Variants in XPR1 observed in about 807,000 individuals in gnomAD.
XPR1 encodes xenotropic and polytropic retrovirus receptor 1, also known as solute carrier family 53 member 1.
A neutral mutation model predicts 87.5 loss-of-function variants in XPR1; 28 were observed. That is an observed-to-expected ratio of 0.32 (90% CI 0.24 to 0.44). The LOEUF (loss-of-function observed/expected upper bound fraction) is 0.44, where lower values mean the gene tolerates loss of function less well. Among genes scored for constraint, XPR1 ranks in the 20% least tolerant of loss-of-function variants. The probability of loss-of-function intolerance (pLI) is 1.00; values close to 1 mark genes in which losing one functional copy is unlikely to be tolerated. For synonymous variants in XPR1, 300 were observed against 306.1 expected (o/e 0.98, Z 0.21); for missense variants, 559 against 862.3 (o/e 0.65, Z 4.41).
intron 2 of XPR1, among the ~76,000 whole-genome samples, chr1:180,755,016 G>C (rs1435490451): frequency 6.6e-6 from 1 of 152,164 alleles, no homozygotes; most frequent in Admixed American, 6.6e-5. Context: ...AAAGTAATGG[G>C]AACCAGGTTT....
Position 180,824,867 on chromosome 1 carries a change from G to A in XPR1, c.878G>A (p.Arg293Lys). Residue 293 changes from arginine (R) to lysine (K), a missense_variant, in exon 8 of 15, where the codon AGA (arginine) becomes AAA (lysine). Physicochemically the swap from Arg to Lys is conservative, Grantham distance 26. This residue lies in a region of XPR1 where 6 missense variants were observed against 29.7 expected (regional missense o/e 0.20). Transcript: ENST00000367590. ...FLLGINTYGW[R>K]QAGVNHVLIF... ...CTGGGCATCAACACGTATGGTTGGA[G>A]ACAGGCTGGAGTAAACCATGTACTC... 1 of 1,614,092 alleles carries A rather than the reference G, an allele frequency of 6.2e-7. No homozygotes were observed. The highest frequency in any genetic ancestry group is 8.5e-7 in the Non-Finnish European group (1 of 1,179,996).
chr1:180,795,787 T>A (rs1649549644), intron 3 of XPR1, among the ~76,000 whole-genome samples: 1 of 152,142 alleles, frequency 6.6e-6, no homozygotes, highest in Admixed American at 6.5e-5. Flanking sequence ...GCCCTGAGAT[T>A]CATTCATTCA....
At chr1:180,863,558 T>G in intron 11 of XPR1, 150 bp from the exon 12 acceptor site, 1 of 549,066 alleles carries the variant, frequency 1.8e-6, no homozygotes, top group Non-Finnish European at 2.9e-6. Context: ...TTATTTAACC[T>G]TTGTTAGACA....
chr1:180,727,968 T>G (rs1658412036), intron 2 of XPR1, among the ~76,000 whole-genome samples: 1 of 152,166 alleles, frequency 6.6e-6, no homozygotes, highest in Non-Finnish European at 1.5e-5. Context: ...AGCAAGGTCT[T>G]TATGCCAGTA....
chr1:180,632,353 A>T (rs1654614194), intron 1 of XPR1, 83 bp downstream of exon 1: 1 of 1,514,448 alleles, frequency 6.6e-7, no homozygotes, highest in African/African-American at 1.4e-5. Context: ...CTTCCGCTTC[A>T]GCTGGCTCCC....
chr1:180,707,833 G>C (rs537417771), intron 2 of XPR1, among the ~76,000 whole-genome samples: 36 of 152,240 alleles, frequency 2.4e-4, no homozygotes, highest in Non-Finnish European at 4.9e-4. Flanking sequence ...TCCTGATTAT[G>C]GTTGTGGAGA....
chr1:180,840,564 GTGTATATA>G (rs1317911534), intron 11 of XPR1, among the ~76,000 whole-genome samples: 1 of 134,218 alleles, frequency 7.5e-6, no homozygotes, highest in African/African-American at 3.0e-5. Flanking sequence ...GTGTGTGTGT[GTGTATATA>G]TATATATATA....
chr1:180,856,098 C>CA (rs752018520), intron 11 of XPR1, among the ~76,000 whole-genome samples: 2 of 152,068 alleles, frequency 1.3e-5, no homozygotes, highest in Non-Finnish European at 2.9e-5. Flanking sequence ...TTTTCCTTTT[C>CA]TCTATCCTGC....
chr1:180,757,656 A>G (rs1647800381), intron 2 of XPR1, among the ~76,000 whole-genome samples: 1 of 151,888 alleles, frequency 6.6e-6, no homozygotes, highest in African/African-American at 2.4e-5. Context: ...AGGTAGGACT[A>G]CAGGTGCACA....
intron 7 of XPR1, among the ~76,000 whole-genome samples, chr1:180,819,235 C>T (rs1211301646): frequency 6.6e-6 from 1 of 152,160 alleles, no homozygotes; most frequent in African/African-American, 2.4e-5. Context: ...ATTACAGGAG[C>T]CACCATGCCT....
chr1:180,680,459 G>A (rs545385969), intron 1 of XPR1, among the ~76,000 whole-genome samples: 5 of 139,268 alleles, frequency 3.6e-5, no homozygotes, highest in East Asian at 5.1e-4. Flanking sequence ...TCTGCCTCCC[G>A]GGTTCAAGCG....
intron 3 of XPR1, among the ~76,000 whole-genome samples, chr1:180,794,265 A>G (rs1649492491): frequency 6.6e-6 from 1 of 152,226 alleles, no homozygotes; most frequent in Non-Finnish European, 1.5e-5. Flanking sequence ...TTGTAAAACA[A>G]TGGTAAATAT....
At chr1:180,717,462 T>G (rs1016760213) in intron 2 of XPR1, among the ~76,000 whole-genome samples, 1 of 152,172 alleles carries the variant, frequency 6.6e-6, no homozygotes, top group Admixed American at 6.5e-5. Context: ...GAACAACTTA[T>G]AACCAAAGAG....
chr1:180,889,586 T>C lies in XPR1; in HGVS notation c.*5520T>C, dbSNP rs1653121845. The C allele has an allele frequency of 6.6e-6, 1 of 152,242 alleles. No individual in the cohort carries two copies. The highest frequency in any genetic ancestry group is 2.4e-5 in the African/African-American group (1 of 41,464). 9.4% of individuals were successfully genotyped at this position (152,242 alleles called of 1,614,324 possible). A position where few individuals can be genotyped will look rare whatever the true frequency, so the allele number is the denominator to read the frequency against. ...ATTGTGGAAAATCCCTAAAGGGTCA[T>C]TGTTCATGACGTTATTTTGAATTGT... is the stretch of plus-strand genomic sequence containing the variant. On this transcript the variant is annotated 3_prime_UTR_variant, in exon 15 of 15. Coordinates refer to ENST00000367590, the MANE Select transcript of XPR1 (RefSeq NM_004736.4).
intron 3 of XPR1, among the ~76,000 whole-genome samples, chr1:180,791,417 A>T (rs921693102): frequency 6.6e-6 from 1 of 152,184 alleles, no homozygotes; most frequent in African/African-American, 2.4e-5. Context: ...TACTACAGGC[A>T]TGCACCACCA....
At chr1:180,729,035 T>C (rs1658458100) in intron 2 of XPR1, among the ~76,000 whole-genome samples, 1 of 152,146 alleles carries the variant, frequency 6.6e-6, no homozygotes, top group Non-Finnish European at 1.5e-5. Flanking sequence ...TGTTGTTTTC[T>C]TTGTGTCCAT....
At chr1:180,676,247 T>C (rs1309944818) in intron 1 of XPR1, among the ~76,000 whole-genome samples, 2 of 152,212 alleles carry the variant, frequency 1.3e-5, no homozygotes, top group Non-Finnish European at 2.9e-5. Context: ...TAACTATTTA[T>C]TGAGCGCCTA....
chr1:180,873,625 G>A (rs529139507), intron 12 of XPR1, among the ~76,000 whole-genome samples, 178 bp from the exon 13 acceptor site: 1 of 152,292 alleles, frequency 6.6e-6, no homozygotes, highest in East Asian at 1.9e-4. Context: ...TAAATTGGTA[G>A]AAATCATTCT....
chr1:180,835,689 AT>A (rs757407087), intron 10 of XPR1, among the ~76,000 whole-genome samples: 1 of 152,218 alleles, frequency 6.6e-6, no homozygotes, highest in Non-Finnish European at 1.5e-5. Flanking sequence ...GAATTTCAGA[AT>A]TCAAGGAAAA....
Sources: allele counts gnomAD v4.1 joint callset (sites outside exome capture counted in the v4.1 genomes callset), GRCh38; gene constraint gnomAD v4.1.1; regional missense constraint gnomAD v4.1.1; transcripts MANE v1.5; gene names NCBI Gene and HGNC (gene_info 2026-07-23, HGNC 2026-07-21).